Variants in RSRC1 observed in about 807,000 individuals in gnomAD.
RSRC1 encodes the protein arginine and serine rich coiled-coil 1.
In RSRC1, 39 loss-of-function variants were observed where a neutral mutation model predicts 49.1. The observed-to-expected ratio is 0.79, with a 90% CI of 0.61 to 1.04. The LOEUF is 1.04. Among genes scored for constraint, RSRC1 ranks in the 50% least tolerant of loss-of-function variants. RSRC1 has a pLI of 0.00. For missense variants in RSRC1, 388 were observed against 402.4 expected (o/e 0.96, Z 0.31); for synonymous variants, 143 against 130.8 (o/e 1.09, Z -0.63).
chr3:158,447,311 G>A (rs1054476676), intron 6 of RSRC1, among the ~76,000 whole-genome samples: 3 of 151,920 alleles, frequency 2.0e-5, no homozygotes, highest in Admixed American at 1.3e-4. Context: ...TAAATATTGA[G>A]CATTTCATAT....
At chr3:158,292,477 T>C (rs1008557303) in intron 4 of RSRC1, among the ~76,000 whole-genome samples, 15 of 152,222 alleles carry the variant, frequency 9.9e-5, no homozygotes, top group Non-Finnish European at 1.8e-4. Flanking sequence ...TTTATTCATT[T>C]GCCAATAATC....
At chr3:158,120,697 A>G (rs1715197022) in intron 1 of RSRC1, among the ~76,000 whole-genome samples, 1 of 147,562 alleles carries the variant, frequency 6.8e-6, no homozygotes, top group Non-Finnish European at 1.5e-5. Flanking sequence ...TTATATATAT[A>G]TAAATATATT....
At chr3:158,494,212 C>T (rs575543569) in intron 7 of RSRC1, among the ~76,000 whole-genome samples, 14 of 152,194 alleles carry the variant, frequency 9.2e-5, no homozygotes, top group African/African-American at 3.4e-4. Flanking sequence ...TGGTATAGCC[C>T]GCTGCTCCTA....
intron 3 of RSRC1, among the ~76,000 whole-genome samples, chr3:158,167,136 G>C (rs1578154871): frequency 6.6e-6 from 1 of 151,956 alleles, no homozygotes; most frequent in Admixed American, 6.6e-5. Context: ...TTTAGATTTT[G>C]GATTAGGGTC....
At chr3:158,177,350 T>C (rs993945722) in intron 3 of RSRC1, among the ~76,000 whole-genome samples, 1 of 152,240 alleles carries the variant, frequency 6.6e-6, no homozygotes, top group Non-Finnish European at 1.5e-5. Flanking sequence ...CACATATGTT[T>C]ATTCTGGCAC....
At chr3:158,111,693 C>A (rs532475701) in intron 1 of RSRC1, among the ~76,000 whole-genome samples, 57 of 152,250 alleles carry the variant, frequency 3.7e-4, no homozygotes, top group Non-Finnish European at 6.6e-4. Flanking sequence ...ATTGAAATAA[C>A]CATTGTTTTC....
chr3:158,502,791 C>T (rs544986595), intron 7 of RSRC1, among the ~76,000 whole-genome samples: 25 of 152,218 alleles, frequency 1.6e-4, no homozygotes, highest in African/African-American at 5.3e-4. Context: ...GATTTCCTTG[C>T]ATTGGGTTTG....
intron 4 of RSRC1, among the ~76,000 whole-genome samples, chr3:158,234,533 G>T (rs1313552165): frequency 6.6e-6 from 1 of 152,084 alleles, no homozygotes; most frequent in African/African-American, 2.4e-5. Context: ...AAATGAATGA[G>T]ACTTTATTGG....
In RSRC1 at chr3:158,141,558, C is replaced by T. The variant is rs1052110155; in HGVS notation, c.320+17567C>T. ...CTATGAGCTAAGGTAGGAGGCAGGT[C>T]CTTCCCAGTAACTAACTACATCCTT... On this transcript the variant is annotated intron_variant, in intron 3 of 9. Coordinates refer to ENST00000611884, the MANE Select transcript of RSRC1 (RefSeq NM_001271838.2). Among the ~76,000 whole-genome samples, 3 of 152,260 alleles carry T rather than the reference C, an allele frequency of 2.0e-5. No homozygotes were observed. In the South Asian group the frequency reaches 6.2e-4, roughly 32 times the overall value.
chr3:158,110,669 G>A (rs541061700), intron 1 of RSRC1: 1 of 152,584 alleles, frequency 6.6e-6, no homozygotes, highest in South Asian at 2.1e-4. Context: ...CACTGTCCCT[G>A]CCTTAGATCC....
chr3:158,199,386 T>C (rs923766560), intron 3 of RSRC1, among the ~76,000 whole-genome samples: 3 of 152,208 alleles, frequency 2.0e-5, no homozygotes, highest in African/African-American at 7.2e-5. Context: ...CTTTATTCTT[T>C]GGTAATTTGT....
intron 4 of RSRC1, among the ~76,000 whole-genome samples, chr3:158,241,538 A>AT (rs144276731): frequency 0.025 from 3,757 of 149,298 alleles, 131 homozygotes; most frequent in African/African-American, 0.084. Context: ...AGTGTAGACT[A>AT]TTTTTTTTTT....
intron 6 of RSRC1, among the ~76,000 whole-genome samples, chr3:158,426,536 A>G (rs960117505): frequency 2.6e-5 from 4 of 151,722 alleles, no homozygotes; most frequent in Non-Finnish European, 5.9e-5. Context: ...CAAAAAGTCC[A>G]ACACTACCAG....
chr3:158,229,449 T>C (rs1441441351), intron 4 of RSRC1, among the ~76,000 whole-genome samples: 1 of 150,548 alleles, frequency 6.6e-6, no homozygotes, highest in Non-Finnish European at 1.5e-5. Context: ...TATACACACG[T>C]ATATGTGTAT....
chr3:158,418,656 T>G (rs1734877945), intron 6 of RSRC1, among the ~76,000 whole-genome samples: 1 of 151,938 alleles, frequency 6.6e-6, no homozygotes, highest in Non-Finnish European at 1.5e-5. Flanking sequence ...ATACCGGAAT[T>G]TTTCTCAAGA....
At chr3:158,468,401 C>A (rs1166367059) in intron 7 of RSRC1, among the ~76,000 whole-genome samples, 1 of 152,122 alleles carries the variant, frequency 6.6e-6, no homozygotes, top group Non-Finnish European at 1.5e-5. Context: ...TATCTTGATT[C>A]TGTTATCCTG....
rs1357192573 is a variant in RSRC1 at position 158,545,245 on chromosome 3, A to G, written c.*970A>G. The G allele has an allele frequency of 9.5e-6, 1 of 105,290 alleles. No homozygotes were observed. Among genetic ancestry groups the G allele is most frequent in the Non-Finnish European group, 1.8e-5 (1 of 56,898 alleles). The allele number at this position is 105,290 out of a possible 1,614,324, so 6.5% of individuals were successfully genotyped here. ...GAGACGGAGTCTCGCTCTATCCCCC[A>G]TGCTGGAGTGCAGTGGCGCGATCTC... On this transcript the variant is annotated 3_prime_UTR_variant, in exon 10 of 10. Transcript: ENST00000611884.
intron 7 of RSRC1, among the ~76,000 whole-genome samples, chr3:158,510,681 T>C (rs1021075366): frequency 8.5e-5 from 13 of 152,344 alleles, no homozygotes; most frequent in Admixed American, 6.5e-4. Context: ...TTAAGCTATT[T>C]TTAAATGTAC....
intron 1 of RSRC1, among the ~76,000 whole-genome samples, chr3:158,116,048 A>G (rs1714794464): frequency 6.6e-6 from 1 of 152,314 alleles, no homozygotes; most frequent in South Asian, 2.1e-4. Context: ...AGTTAGGCAT[A>G]TCTTTCTAAT....
Sources: allele counts gnomAD v4.1 joint callset (sites outside exome capture counted in the v4.1 genomes callset), GRCh38; gene constraint gnomAD v4.1.1; transcripts MANE v1.5; gene names NCBI Gene and HGNC (gene_info 2026-07-23, HGNC 2026-07-21).